PAH: variants seen among roughly 807,000 people sequenced by gnomAD.
The protein encoded by PAH is phenylalanine-4-hydroxylase.
Under a neutral mutation model 62.0 loss-of-function variants are expected in PAH, and 64 were observed. That is an observed-to-expected ratio of 1.03 (90% CI 0.84 to 1.27). The LOEUF is 1.27. PAH is among the 50% of genes most tolerant of loss of function. The probability of loss-of-function intolerance (pLI) is 0.00; values close to 1 mark genes in which losing one functional copy is unlikely to be tolerated. For missense variants in PAH, 579 were observed against 542.8 expected (o/e 1.07, Z -0.66); for synonymous variants, 195 against 196.2 (o/e 0.99, Z 0.05).
rs192987275 is a variant in PAH, at chr12:102,867,911, A to C, written c.442-1248T>G. The stretch of plus-strand genomic sequence containing the variant: ...TATACATATATAGATGTATATATAC[A>C]TGTATATACATATATAGATGTATAT... On this transcript the variant is annotated intron_variant, in intron 4 of 12. Coordinates refer to ENST00000553106, the MANE Select transcript of PAH (RefSeq NM_000277.3). Among the ~76,000 whole-genome samples the C allele has an allele frequency of 8.6e-4, 120 of 139,320 alleles. 3 individuals are homozygous for C. The highest frequency in any genetic ancestry group is 1.0e-3 in the Non-Finnish European group (67 of 65,502). The allele number at this position is 139,320 out of a possible 152,430, so 91.4% of individuals were successfully genotyped here.
At chr12:102,857,627 C>T (rs1156513967) in intron 5 of PAH, among the ~76,000 whole-genome samples, 4 of 152,166 alleles carry the variant, frequency 2.6e-5, no homozygotes, top group African/African-American at 9.7e-5. Flanking sequence ...GCTGATCTCT[C>T]GGCAGAAACT....
chr12:102,942,243 T>C (rs1166007006), intron 1 of PAH, among the ~76,000 whole-genome samples: 1 of 152,102 alleles, frequency 6.6e-6, no homozygotes, highest in African/African-American at 2.4e-5. Context: ...AAAATCAATG[T>C]ATAAAAATTA....
At chr12:102,845,655 G>A (rs542504224) in intron 9 of PAH, among the ~76,000 whole-genome samples, 1 of 152,144 alleles carries the variant, frequency 6.6e-6, no homozygotes, top group South Asian at 2.1e-4. Context: ...ATTAGGGGTA[G>A]GTTATTAGTT....
Position 102,839,238 on chromosome 12 carries a change from C to T in PAH, c.1316-20G>A. The T allele has an allele frequency of 6.2e-7, 1 of 1,612,698 alleles. No homozygotes were observed. The highest frequency in any genetic ancestry group is 8.5e-7 in the Non-Finnish European group (1 of 1,178,874). ...TTTCACCTACAAAGAAAAACACCAT[C>T]AAAATGGGCCACTTGTATAATAAGC... On this transcript the variant is annotated intron_variant, in intron 12 of 12. Transcript: ENST00000553106.
chr12:102,880,303 T>G (rs1876762941), intron 3 of PAH, among the ~76,000 whole-genome samples: 1 of 152,188 alleles, frequency 6.6e-6, no homozygotes, highest in Non-Finnish European at 1.5e-5. Context: ...CAGGTTTGCA[T>G]GGGCTTGAGA....
intron 1 of PAH, among the ~76,000 whole-genome samples, chr12:102,943,298 C>A (rs1327364320): frequency 6.6e-6 from 1 of 151,952 alleles, no homozygotes; most frequent in Admixed American, 6.6e-5. Context: ...CATACACACA[C>A]CCAACAAGCA....
At position 102,900,960 on chromosome 12, in the gene PAH, T is replaced by C. The variant is rs532976346; in HGVS notation, c.169-6042A>G. 2.0e-5 allele frequency among the ~76,000 whole-genome samples: 3 copies of C among 152,300 alleles called. No homozygotes were observed. The East Asian group carries it at 5.8e-4, about 29-fold the overall frequency. ...CACGATTTGTCTAATATTTAATTTATGCATAAAAGATGGCAGCATAAAACC... is the reference window on the plus strand; with the variant it reads ...CACGATTTGTCTAATATTTAATTTACGCATAAAAGATGGCAGCATAAAACC... On this transcript the variant is annotated intron_variant, in intron 2 of 12. Coordinates refer to ENST00000553106, the MANE Select transcript of PAH (RefSeq NM_000277.3).
chr12:102,870,047 G>A (rs900036539), intron 4 of PAH, among the ~76,000 whole-genome samples: 2 of 152,130 alleles, frequency 1.3e-5, no homozygotes, highest in Non-Finnish European at 2.9e-5. Flanking sequence ...GAGGGGGAGG[G>A]GAGGGGATAG....
intron 7 of PAH, chr12:102,851,994 G>A (rs1808236358): frequency 1.9e-6 from 1 of 520,566 alleles, no homozygotes; most frequent in South Asian, 2.1e-5. Context: ...CAGCAGCCAA[G>A]GGTCTTAAGA....
intron 4 of PAH, among the ~76,000 whole-genome samples, chr12:102,870,552 G>A (rs757926769): frequency 3.9e-5 from 6 of 152,162 alleles, no homozygotes; most frequent in Non-Finnish European, 5.9e-5. Flanking sequence ...AGACAGAGAA[G>A]TCTGGCTCAG....
At chr12:102,955,373 G>A (rs1290732032), upstream of PAH, among the ~76,000 whole-genome samples, 1 of 133,594 alleles carries the variant, frequency 7.5e-6, no homozygotes, top group Non-Finnish European at 1.7e-5. Context: ...ACTGAGGCCA[G>A]TAGAGGCAGA....
At chr12:102,888,770 G>C (rs1877141609) in intron 3 of PAH, among the ~76,000 whole-genome samples, 1 of 151,826 alleles carries the variant, frequency 6.6e-6, no homozygotes, top group South Asian at 2.1e-4. Context: ...CAGCTGCCAG[G>C]ACTTAGTGCT....
intron 2 of PAH, among the ~76,000 whole-genome samples, chr12:102,906,708 T>C (rs1160829112): frequency 6.6e-6 from 1 of 151,836 alleles, no homozygotes; most frequent in East Asian, 1.9e-4. Context: ...CATTAAGTGA[T>C]TTAATCTTTA....
At chr12:102,845,220 T>C (rs988296177) in intron 9 of PAH, among the ~76,000 whole-genome samples, 4 of 152,158 alleles carry the variant, frequency 2.6e-5, no homozygotes, top group Non-Finnish European at 5.9e-5. Context: ...GCTGGCTGAA[T>C]GTAAAGCATG....
Position 102,957,262 on chromosome 12 carries a change from A to T in PAH, c.-96+933T>A, listed in dbSNP as rs1302814664. Among the ~76,000 whole-genome samples, 1 of 152,134 alleles carries T rather than the reference A, an allele frequency of 6.6e-6. No individual in the cohort carries two copies. The highest frequency in any genetic ancestry group is 1.5e-5 in the Non-Finnish European group (1 of 68,012). On this transcript the variant is annotated intron_variant, in intron 1 of 4. Coordinates refer to the PAH transcript ENST00000551337. The surrounding 1 kb of genome is among the most constrained non-coding windows in gnomAD (Gnocchi z 4.1). ...TTGCTTCAAGTTCTTAGTAGAATCC[A>T]AGAGAGCTTCACCCCAAGTCTTTCC... is the stretch of plus-strand genomic sequence containing the variant.
chr12:102,895,940 T>TGTA (rs1877487800), intron 2 of PAH, among the ~76,000 whole-genome samples: 1 of 151,252 alleles, frequency 6.6e-6, no homozygotes, highest in South Asian at 2.1e-4. Context: ...TATATACATT[T>TGTA]GTAACACCCA....
At chr12:102,945,536 C>T (rs1489337242) in intron 1 of PAH, among the ~76,000 whole-genome samples, 1 of 152,166 alleles carries the variant, frequency 6.6e-6, no homozygotes, top group Non-Finnish European at 1.5e-5. Flanking sequence ...CCATTCTTCC[C>T]TCCCCTTTCC....
At chr12:102,903,235 C>A (rs1170424990) in intron 2 of PAH, among the ~76,000 whole-genome samples, 1 of 151,954 alleles carries the variant, frequency 6.6e-6, no homozygotes, top group South Asian at 2.1e-4. Context: ...GTGGCAGGTG[C>A]CTGTAATCCC....
chr12:102,889,420 T>C (rs1460339605), intron 3 of PAH, among the ~76,000 whole-genome samples: 2 of 151,518 alleles, frequency 1.3e-5, no homozygotes, highest in Non-Finnish European at 2.9e-5. Context: ...GATAGATAGA[T>C]AGATAGATAG....
Sources: allele counts gnomAD v4.1 joint callset (sites outside exome capture counted in the v4.1 genomes callset), GRCh38; gene constraint gnomAD v4.1.1; non-coding constraint Gnocchi (gnomAD v3.1); transcripts MANE v1.5; gene names NCBI Gene and HGNC (gene_info 2026-07-23, HGNC 2026-07-21).